Variants in DNM1 observed in about 807,000 individuals in gnomAD.
The protein encoded by DNM1 is dynamin-1.
DNM1 carries 29 observed loss-of-function variants against 104.6 expected under a neutral mutation model. The observed-to-expected ratio is 0.28, with a 90% CI of 0.21 to 0.38. DNM1 has a LOEUF of 0.38. DNM1 is among the 10% of genes least tolerant of loss of function. DNM1 has a pLI of 1.00. For synonymous variants in DNM1, 445 were observed against 475.8 expected, an observed-to-expected ratio of 0.94 and a Z score of 0.84; for missense variants, 640 against 1,189.4, an observed-to-expected ratio of 0.54 and a Z score of 6.79.
intron 1 of DNM1, chr9:128,204,520 A>G (rs1833778794): frequency 6.6e-6 from 1 of 152,280 alleles, no homozygotes; most frequent in African/African-American, 2.4e-5. Context: ...GAGAGGAACA[A>G]CCGCAAAGAC....
chr9:128,253,253 C>A lies in DNM1; in HGVS notation c.2535-1401C>A. On this transcript the variant is annotated intron_variant, in intron 21 of 21. Transcript: ENST00000372923. The surrounding 1 kb of genome is among the most constrained non-coding windows in gnomAD (Gnocchi z 5.9). Reference sequence around the variant, plus strand: ...CCAGGCTCCCCGCCCCTCCCTTCTGCAGCTGCAGACTTGCTCTTTCCTCTT... The same window carrying A: ...CCAGGCTCCCCGCCCCTCCCTTCTGAAGCTGCAGACTTGCTCTTTCCTCTT... 1 of 929,784 alleles carries A rather than the reference C, an allele frequency of 1.1e-6. No homozygotes were observed. The highest frequency in any genetic ancestry group is 1.7e-6 in the Non-Finnish European group (1 of 597,324). 57.6% of individuals were successfully genotyped at this position (929,784 alleles called of 1,614,324 possible).
Position 128,240,927 on chromosome 9 carries a change from G to C in DNM1, c.1557+931G>C, listed in dbSNP as rs1259870463. On this transcript the variant is annotated intron_variant, in intron 14 of 21. Coordinates refer to ENST00000372923, the MANE Select transcript of DNM1 (RefSeq NM_004408.4). This position sits in a 1 kb window ranked among gnomAD's most constrained non-coding sequence, Gnocchi z 5.1. ...GGGTGTGGCCAAGGGGGAGGACAAA[G>C]ACTACAAGTTAGGGTGGGGAGCAGG... The C allele has an allele frequency of 6.5e-6, 1 of 152,848 alleles. No individual in the cohort carries two copies. Among genetic ancestry groups the C allele is most frequent in the Non-Finnish European group, 1.5e-5 (1 of 68,490 alleles). 9.5% of individuals were successfully genotyped at this position (152,848 alleles called of 1,614,324 possible). A position where few individuals can be genotyped will look rare whatever the true frequency, so the allele number is the denominator to read the frequency against.
chr9:128,242,331 T>C lies in DNM1; in HGVS notation c.1657T>C (p.Tyr553His). 1 of 1,602,210 alleles carries C rather than the reference T, an allele frequency of 6.2e-7. No homozygotes were observed. Residue 553 changes from tyrosine (Y) to histidine (H), a missense_variant, in exon 15 of 22, where the codon TAC becomes CAC. Physicochemically the swap from Tyr to His is moderately conservative, Grantham distance 83. Coordinates refer to ENST00000372923, the MANE Select transcript of DNM1 (RefSeq NM_004408.4). ...GCTGACTGCTGAGAATCTGTCCTGG[T>C]ACAAGGATGATGAGGTGAGTCAAGG... ...FVLTAENLSW[Y>H]KDDEEKEKKY...
chr9:128,218,553 T>A lies in DNM1; in HGVS notation c.236-29T>A. On this transcript the variant is annotated intron_variant, in intron 2 of 21. Transcript: ENST00000372923. This position sits in a 1 kb window ranked among gnomAD's most constrained non-coding sequence, Gnocchi z 4.8. ...TGGGGTTCCAGACCTTGATGCCTACTGCCCTTCCCCTGCCCGCTTCTGGAG... is the reference window on the plus strand; with the variant it reads ...TGGGGTTCCAGACCTTGATGCCTACAGCCCTTCCCCTGCCCGCTTCTGGAG... 1 of 1,595,682 alleles carries A rather than the reference T, an allele frequency of 6.3e-7. No homozygotes were observed. Among genetic ancestry groups the A allele is most frequent in the Non-Finnish European group, 8.6e-7 (1 of 1,167,200 alleles).
At chr9:128,238,338 C>T (rs1304586365) in intron 11 of DNM1, among the ~76,000 whole-genome samples, 1 of 152,178 alleles carries the variant, frequency 6.6e-6, no homozygotes, top group East Asian at 1.9e-4. Flanking sequence ...GATTCCCCTG[C>T]CTCAGCCTCC....
intron 11 of DNM1, among the ~76,000 whole-genome samples, chr9:128,236,020 G>T (rs1835991326): frequency 1.3e-5 from 2 of 152,088 alleles, no homozygotes; most frequent in African/African-American, 4.8e-5. Context: ...GGCTGGTCAG[G>T]CTTTCTTCAC....
intron 1 of DNM1, among the ~76,000 whole-genome samples, chr9:128,217,436 G>A (rs186582520): frequency 1.3e-5 from 2 of 152,230 alleles, no homozygotes; most frequent in East Asian, 3.9e-4. Context: ...GTTTTTTTGA[G>A]GTGGAGTTTT....
Position 128,254,568 on chromosome 9 carries a change from GCCCC to G in DNM1, c.2535-85_2535-82del. The G allele has an allele frequency of 5.0e-6, 8 of 1,586,710 alleles. No homozygotes were observed. The highest frequency in any genetic ancestry group is 2.2e-5 in the South Asian group (2 of 90,638). On this transcript the variant is annotated intron_variant, in intron 21 of 21. Transcript: ENST00000372923. This position sits in a 1 kb window ranked among gnomAD's most constrained non-coding sequence, Gnocchi z 6.1. ...TCCCACCACTGCTGCGGCGCGGCCG[GCCCC>G]GGCCGTGTGCTGCGCTTGCCTTACC...
intron 6 of DNM1, among the ~76,000 whole-genome samples, chr9:128,221,581 C>G (rs753148000): frequency 5.7e-4 from 86 of 152,180 alleles, no homozygotes; most frequent in Admixed American, 1.3e-3. Flanking sequence ...CTGGCCACCC[C>G]TGCCTCAGAC....
At chr9:128,232,397 C>T (rs1371595951) in intron 10 of DNM1, among the ~76,000 whole-genome samples, 1 of 152,186 alleles carries the variant, frequency 6.6e-6, no homozygotes. Flanking sequence ...CCTCAGGTCT[C>T]CTGAGCTTAG....
Position 128,203,437 on chromosome 9 carries a change from A to AGCCGGATCGCAGCCTGCGGG in DNM1, c.-30_-11dup, listed in dbSNP as rs752254892. ...AGTCGGAGCCGGGAGCGCTAGCGGC[A>AGCCGGATCGCAGCCTGCGGG]GCCGGATCGCAGCCTGCGGGGCCCG... On this transcript the variant is annotated 5_prime_UTR_variant, in exon 1 of 22. Transcript: ENST00000372923. The surrounding 1 kb of genome is among the most constrained non-coding windows in gnomAD (Gnocchi z 5.3). 36 of 1,433,626 alleles carry AGCCGGATCGCAGCCTGCGGG rather than the reference A, an allele frequency of 2.5e-5. No individual in the cohort carries two copies. The South Asian group carries it at 4.7e-4, about 19-fold the overall frequency. 88.8% of individuals were successfully genotyped at this position (1,433,626 alleles called of 1,614,324 possible). A position where few individuals can be genotyped will look rare whatever the true frequency, so the allele number is the denominator to read the frequency against.
chr9:128,218,676 C>T lies in DNM1; in HGVS notation c.330C>T (p.Gly110=), dbSNP rs1834757278. ...AGGCCGAGACCGACAGGGTCACCGG[C>T]ACCAACAAGGGCATCTCGCCGGTGC... ...EIEAETDRVT[G]TNKGISPVPI... Residue 110 remains glycine (G), a synonymous_variant, in exon 3 of 22, where the codon GGC becomes GGT. Coordinates refer to ENST00000372923, the MANE Select transcript of DNM1 (RefSeq NM_004408.4). This position sits in a 1 kb window ranked among gnomAD's most constrained non-coding sequence, Gnocchi z 4.8. The T allele has an allele frequency of 2.5e-6, 4 of 1,612,988 alleles. No individual in the cohort carries two copies. Among genetic ancestry groups the T allele is most frequent in the African/African-American group, 2.7e-5 (2 of 74,870 alleles).
Position 128,220,432 on chromosome 9 carries a change from C to A in DNM1, c.849+91C>A. On this transcript the variant is annotated intron_variant, in intron 6 of 21. Coordinates refer to ENST00000372923, the MANE Select transcript of DNM1 (RefSeq NM_004408.4). This position sits in a 1 kb window ranked among gnomAD's most constrained non-coding sequence, Gnocchi z 5.2. ...TCTGAGAGTGAACAGCAGAGGTTAG[C>A]CTCTCCGTAGTGCAGATAGACAAAC... The A allele has an allele frequency of 6.6e-7, 1 of 1,507,790 alleles. No homozygotes were observed. Among genetic ancestry groups the A allele is most frequent in the Non-Finnish European group, 9.0e-7 (1 of 1,111,718 alleles). 93.4% of individuals were successfully genotyped at this position (1,507,790 alleles called of 1,614,324 possible). A position where few individuals can be genotyped will look rare whatever the true frequency, so the allele number is the denominator to read the frequency against.
intron 4 of DNM1, 82 bp downstream of exon 4, chr9:128,219,334 C>T (rs1362770458): frequency 1.3e-5 from 17 of 1,276,416 alleles, no homozygotes; most frequent in Middle Eastern, 1.9e-4. Context: ...AGCCTCTGAA[C>T]GGTCTAAGAA....
At position 128,245,001 on chromosome 9, in the gene DNM1, A is replaced by G; in HGVS notation, c.1672-1393A>G. 4.0e-6 allele frequency: 1 copy of G among 252,754 alleles called. No homozygotes were observed. Among genetic ancestry groups the G allele is most frequent in the South Asian group, 3.5e-5 (1 of 28,632 alleles). The allele number at this position is 252,754 out of a possible 1,614,324, so 15.7% of individuals were successfully genotyped here. ...TGCCTCCTTTGACGTGGCAGGGGTG[A>G]GCGGGAGCTGGGGCTGAGAAGGAGG... On this transcript the variant is annotated intron_variant, in intron 15 of 21. Coordinates refer to ENST00000372923, the MANE Select transcript of DNM1 (RefSeq NM_004408.4). This position sits in a 1 kb window ranked among gnomAD's most constrained non-coding sequence, Gnocchi z 5.2.
At chr9:128,230,180 G>A (rs903702197) in intron 10 of DNM1, among the ~76,000 whole-genome samples, 2 of 148,462 alleles carry the variant, frequency 1.3e-5, no homozygotes, top group African/African-American at 5.0e-5. Context: ...TTGAGCCATT[G>A]CACTCCAGCC....
chr9:128,239,790 C>T lies in DNM1; in HGVS notation c.1545+11C>T. 1 of 1,612,042 alleles carries T rather than the reference C, an allele frequency of 6.2e-7. No individual in the cohort carries two copies. Among genetic ancestry groups the T allele is most frequent in the Non-Finnish European group, 8.5e-7 (1 of 1,178,438 alleles). The stretch of plus-strand genomic sequence containing the variant: ...ACTTCAGGGAACCAGGTGAGTGGGG[C>T]CCAGCACCCCAGCCCGAGGGATGGA... On this transcript the variant is annotated intron_variant, in intron 13 of 21. Coordinates refer to ENST00000372923, the MANE Select transcript of DNM1 (RefSeq NM_004408.4).
chr9:128,248,072 TA>T lies in DNM1; in HGVS notation c.1905+140del. The T allele has an allele frequency of 8.4e-7, 1 of 1,193,432 alleles. No individual in the cohort carries two copies. 73.9% of individuals were successfully genotyped at this position (1,193,432 alleles called of 1,614,324 possible). A position where few individuals can be genotyped will look rare whatever the true frequency, so the allele number is the denominator to read the frequency against. On this transcript the variant is annotated intron_variant, in intron 18 of 21. Transcript: ENST00000372923. This position sits in a 1 kb window ranked among gnomAD's most constrained non-coding sequence, Gnocchi z 5.6. ...GGCCAGGCGCAGTGGCTCACACCTG[TA>T]AACCCAACACTTTGGGAGGCCGAGG...
chr9:128,234,035 G>A lies in DNM1; in HGVS notation c.1350G>A (p.Pro450=), dbSNP rs147897973. 1.0e-5 allele frequency: 16 copies of A among 1,571,500 alleles called. No homozygotes were observed. The highest frequency in any genetic ancestry group is 9.2e-5 in the Admixed American group (5 of 54,374). ...RQCTKKLQQY[P]RLREEMERIV... is the part of the protein sequence containing the mutation. ...CCCTTCCCCAGCTCCAGCAGTACCC[G>A]CGGCTACGGGAGGAGATGGAGCGCA... Residue 450 remains proline, a synonymous_variant, in exon 11 of 22, where the codon CCG becomes CCA. Coordinates refer to ENST00000372923, the MANE Select transcript of DNM1 (RefSeq NM_004408.4).
Sources: allele counts gnomAD v4.1 joint callset (sites outside exome capture counted in the v4.1 genomes callset), GRCh38; gene constraint gnomAD v4.1.1; non-coding constraint Gnocchi (gnomAD v3.1); transcripts MANE v1.5; gene names NCBI Gene and HGNC (gene_info 2026-07-23, HGNC 2026-07-21).